Variants in TARS3 observed in about 807,000 individuals in gnomAD.
TARS3 encodes threonyl-tRNA synthetase 3.
In TARS3, 94 loss-of-function variants were observed where a neutral mutation model predicts 103.5. The ratio of observed to expected loss-of-function variants is 0.91; its 90% CI spans 0.77 to 1.08. The LOEUF (loss-of-function observed/expected upper bound fraction) is 1.08. Ranked by LOEUF, TARS3 falls within the 50% of genes least tolerant of loss-of-function variation. The probability of loss-of-function intolerance (pLI) is 0.00; values close to 1 mark genes in which losing one functional copy is unlikely to be tolerated. For missense variants in TARS3, 952 were observed against 995.2 expected, an observed-to-expected ratio of 0.96 and a Z score of 0.58; for synonymous variants, 416 against 355.4, an observed-to-expected ratio of 1.17 and a Z score of -1.92.
chr15:101,723,068 T>C, intron 2 of TARS3, 25 bp downstream of exon 2: 1 of 1,602,394 alleles, frequency 6.2e-7, no homozygotes, highest in Non-Finnish European at 8.6e-7. Context: ...TAGTATTTTA[T>C]ATTGTTTCCA....
At chr15:101,667,105 G>A (rs980635555) in intron 15 of TARS3, among the ~76,000 whole-genome samples, 8 of 152,126 alleles carry the variant, frequency 5.3e-5, no homozygotes, top group African/African-American at 1.9e-4. Context: ...TCAATGAGCA[G>A]TAATCTTTTG....
rs1900434143 is a variant in TARS3 at position 101,721,114 on chromosome 15, A to G, written c.566+12T>C. On this transcript the variant is annotated intron_variant, in intron 3 of 18. Transcript: ENST00000335968. ...ACTTAAGATTGAATATCTTTTCCACACTGCGGTTTACCTAATTTCAGCAGC... is the reference window on the plus strand; with the variant it reads ...ACTTAAGATTGAATATCTTTTCCACGCTGCGGTTTACCTAATTTCAGCAGC... 1.3e-6 allele frequency: 2 copies of G among 1,584,994 alleles called. No individual in the cohort carries two copies. The highest frequency in any genetic ancestry group is 1.7e-6 in the Non-Finnish European group (2 of 1,157,552).
In TARS3 at chr15:101,724,078, A is replaced by C. The variant is rs1452499892; in HGVS notation, c.297+13T>G. 4 of 1,355,056 alleles carry C rather than the reference A, an allele frequency of 3.0e-6. No individual in the cohort carries two copies. Among genetic ancestry groups the C allele is most frequent in the Non-Finnish European group, 2.8e-6 (3 of 1,056,304 alleles). 83.9% of individuals were successfully genotyped at this position (1,355,056 alleles called of 1,614,324 possible). ...CGCCCGCGTCCTCTCCAGTGTCCCC[A>C]CCGCCCGGTTACCTGTGCGCCGGCC... is the stretch of plus-strand genomic sequence containing the variant. On this transcript the variant is annotated intron_variant, in intron 1 of 18. Coordinates refer to ENST00000335968, the MANE Select transcript of TARS3 (RefSeq NM_152334.3).
At chr15:101,708,380 T>A (rs2141440099) in intron 6 of TARS3, among the ~76,000 whole-genome samples, 1 of 145,480 alleles carries the variant, frequency 6.9e-6, no homozygotes, top group South Asian at 2.1e-4. Context: ...GTCAAAAAAA[T>A]ATAAAGAGAA....
At chr15:101,654,765 A>T in intron 18 of TARS3, 35 bp from the exon 19 acceptor site, 1 of 1,598,918 alleles carries the variant, frequency 6.3e-7, no homozygotes, top group Non-Finnish European at 8.5e-7. Context: ...TGTATTTTAA[A>T]TCAGCAATTT....
intron 10 of TARS3, chr15:101,699,567 A>C (rs1244174207): frequency 4.9e-6 from 2 of 406,424 alleles, no homozygotes; most frequent in Non-Finnish European, 9.8e-6. Context: ...CAGCACATCC[A>C]AATCAGCAGC....
intron 10 of TARS3, chr15:101,699,539 C>T (rs1295810165): frequency 2.3e-5 from 10 of 433,910 alleles, no homozygotes; most frequent in Admixed American, 2.6e-5. Flanking sequence ...AGGGGCCATG[C>T]TGATTTTCCA....
At chr15:101,657,108 A>C (rs1281516148) in intron 17 of TARS3, 72 bp from the exon 18 acceptor site, 1 of 979,940 alleles carries the variant, frequency 1.0e-6, no homozygotes, top group Non-Finnish European at 1.6e-6. Context: ...GTTGTTCCCC[A>C]CTCTTGGTAT....
intron 17 of TARS3, 138 bp from the exon 18 acceptor site, chr15:101,657,174 A>G (rs1897223889): frequency 3.5e-6 from 2 of 572,504 alleles, no homozygotes; most frequent in African/African-American, 1.9e-5. Flanking sequence ...GCGTGACCAT[A>G]AAGAAGTGCG....
At chr15:101,707,392 C>T (rs1244467424) in intron 6 of TARS3, among the ~76,000 whole-genome samples, 1 of 152,198 alleles carries the variant, frequency 6.6e-6, no homozygotes, top group African/African-American at 2.4e-5. Flanking sequence ...CACCCATGTT[C>T]ACAGCAGCGC....
At chr15:101,703,401 C>T (rs375435782) in intron 8 of TARS3, among the ~76,000 whole-genome samples, 127 of 152,126 alleles carry the variant, frequency 8.3e-4, no homozygotes, top group South Asian at 7.7e-3. Flanking sequence ...ACCAGCCTGA[C>T]CAATGTGGTA....
chr15:101,695,335 G>T (rs1474257601), intron 10 of TARS3, among the ~76,000 whole-genome samples: 42 of 152,176 alleles, frequency 2.8e-4, no homozygotes, highest in Admixed American at 2.8e-3. Flanking sequence ...TTTCTGAAAT[G>T]TCATATAATG....
chr15:101,721,233 T>C lies in TARS3; in HGVS notation c.459A>G (p.Gly153=). 1 of 1,614,106 alleles carries C rather than the reference T, an allele frequency of 6.2e-7. No homozygotes were observed. Among genetic ancestry groups the C allele is most frequent in the South Asian group, 1.1e-5 (1 of 91,078 alleles). ...KDHQLLLAIY[G]KKGDTSNIIT... ...TGATGTTGCTTGTATCCCCCTTTTT[T>C]CCATAAATGGCAAGTAAGAGCTGAT... is the stretch of plus-strand genomic sequence containing the variant. Residue 153 remains glycine, a synonymous_variant, in exon 3 of 19, where the codon GGA becomes GGG. Transcript: ENST00000335968.
chr15:101,684,440 G>A lies in TARS3; in HGVS notation c.1488-203C>T, dbSNP rs950704385. 2.6e-5 allele frequency among the ~76,000 whole-genome samples: 4 copies of A among 152,136 alleles called. No individual in the cohort carries two copies. In the East Asian group the frequency reaches 7.7e-4, roughly 29 times the overall value. On this transcript the variant is annotated intron_variant, in intron 11 of 18. Transcript: ENST00000335968. ...CTGCAGCACTCTGAGAAAGATGCTTGTCTATTATCTCTTCCCAGAAATGCT... is the reference window on the plus strand; with the variant it reads ...CTGCAGCACTCTGAGAAAGATGCTTATCTATTATCTCTTCCCAGAAATGCT...
At chr15:101,689,012 T>A (rs1056993065) in intron 10 of TARS3, among the ~76,000 whole-genome samples, 2 of 152,212 alleles carry the variant, frequency 1.3e-5, no homozygotes, top group African/African-American at 4.8e-5. Flanking sequence ...TTCGATAACA[T>A]GTTTTGGTGC....
chr15:101,710,786 C>T (rs1331871911), intron 5 of TARS3, among the ~76,000 whole-genome samples: 1 of 152,038 alleles, frequency 6.6e-6, no homozygotes, highest in Non-Finnish European at 1.5e-5. Context: ...GCCAGAGATG[C>T]CATGGGGCTA....
intron 10 of TARS3, among the ~76,000 whole-genome samples, chr15:101,688,077 T>C (rs1313446683): frequency 6.6e-6 from 1 of 152,180 alleles, no homozygotes; most frequent in Non-Finnish European, 1.5e-5. Context: ...TCAGCAACTA[T>C]TATATTTTTA....
intron 17 of TARS3, among the ~76,000 whole-genome samples, chr15:101,657,350 C>T (rs72761636): frequency 0.029 from 4,370 of 152,322 alleles, 79 homozygotes; most frequent in Middle Eastern, 0.051. Context: ...GAGCGAGCCC[C>T]GAGCTCCGCA....
chr15:101,675,590 T>C lies in TARS3; in HGVS notation c.1788+10A>G. On this transcript the variant is annotated intron_variant, in intron 13 of 18. Coordinates refer to ENST00000335968, the MANE Select transcript of TARS3 (RefSeq NM_152334.3). The stretch of plus-strand genomic sequence containing the variant: ...TAAAATGAAGAGGAAGCACAAGGTG[T>C]GTCTCTTACCTTCTCAGCCTCATTC... 6.2e-7 allele frequency: 1 copy of C among 1,610,164 alleles called. No homozygotes were observed.
Sources: allele counts gnomAD v4.1 joint callset (sites outside exome capture counted in the v4.1 genomes callset), GRCh38; gene constraint gnomAD v4.1.1; transcripts MANE v1.5; gene names NCBI Gene and HGNC (gene_info 2026-07-23, HGNC 2026-07-21).